Variants in TGFA observed in about 807,000 individuals in gnomAD.
TGFA encodes transforming growth factor alpha, also known as protransforming growth factor alpha.
In TGFA, 12 loss-of-function variants were observed where a neutral mutation model predicts 21.7. The observed-to-expected ratio is 0.55, with a 90% CI of 0.35 to 0.90. The LOEUF (loss-of-function observed/expected upper bound fraction) is 0.90, where lower values mean the gene tolerates loss of function less well. TGFA is among the 40% of genes least tolerant of loss of function. The pLI, the probability that TGFA is intolerant of heterozygous loss-of-function variation, is 0.01. For missense variants in TGFA, 178 were observed against 210.8 expected (o/e 0.84, Z 0.96); for synonymous variants, 79 against 88.1 (o/e 0.90, Z 0.58).
intron 2 of TGFA, among the ~76,000 whole-genome samples, chr2:70,503,265 T>C (rs1329725570): frequency 6.6e-6 from 1 of 152,072 alleles, no homozygotes; most frequent in African/African-American, 2.4e-5. Flanking sequence ...TGAGTTCATG[T>C]CCTTTGTAGG....
chr2:70,514,902 CA>C lies in TGFA; in HGVS notation c.50del (p.Leu17TrpfsTer14). On this transcript the variant is annotated frameshift_variant, in exon 2 of 6. Coordinates refer to ENST00000295400, the MANE Select transcript of TGFA (RefSeq NM_003236.4). LOFTEE classifies it high-confidence loss of function. ...QLALFALGIV[L>X]AACQALENST... ...TGTTCTCCAAGGCCTGGCACGCAGC[CA>C]ACACAATACCTGTTGGGTGGAGGAG... 1 of 1,613,950 alleles carries C rather than the reference CA, an allele frequency of 6.2e-7. No homozygotes were observed. The highest frequency in any genetic ancestry group is 8.5e-7 in the Non-Finnish European group (1 of 1,179,954).
At chr2:70,464,747 G>C (rs553883981) in intron 3 of TGFA, among the ~76,000 whole-genome samples, 1 of 152,160 alleles carries the variant, frequency 6.6e-6, no homozygotes, top group Non-Finnish European at 1.5e-5. Context: ...AAAGAATAAA[G>C]ACAGCTTTCA....
At position 70,551,384 on chromosome 2, in the gene TGFA, C is replaced by T. The variant is rs13407841; in HGVS notation, c.40+2344G>A. The stretch of plus-strand genomic sequence containing the variant: ...ATTTGGGCAACAGTCTTCACATTCT[C>T]TTACTGAAAACATTAATCAATGCTC... On this transcript the variant is annotated intron_variant, in intron 1 of 5. Transcript: ENST00000295400. Among the ~76,000 whole-genome samples the T allele has an allele frequency of 2.9e-3, 446 of 152,344 alleles. 1 individual carries two copies. The highest frequency in any genetic ancestry group is 0.01 in the African/African-American group (432 of 41,568).
intron 3 of TGFA, among the ~76,000 whole-genome samples, chr2:70,462,136 ATG>A (rs1553491539): frequency 6.6e-6 from 1 of 152,168 alleles, no homozygotes. Context: ...ATTGACCAGG[ATG>A]TGTGTGTCAG....
intron 5 of TGFA, chr2:70,451,749 A>T: frequency 1.4e-6 from 1 of 702,042 alleles, no homozygotes; most frequent in Non-Finnish European, 2.6e-6. Context: ...TCAATAGATT[A>T]GCCCAAGGTA....
chr2:70,455,513 C>A (rs1670202824), intron 4 of TGFA, among the ~76,000 whole-genome samples: 1 of 152,184 alleles, frequency 6.6e-6, no homozygotes, highest in Non-Finnish European at 1.5e-5. Flanking sequence ...TGTCCTGTGA[C>A]TTCTTTGTGC....
chr2:70,471,562 T>C (rs1670751824), intron 2 of TGFA, among the ~76,000 whole-genome samples: 1 of 152,142 alleles, frequency 6.6e-6, no homozygotes, highest in African/African-American at 2.4e-5. Flanking sequence ...TCTTAGATCC[T>C]CCCAGACTCA....
chr2:70,465,926 G>A (rs1435330791), intron 2 of TGFA, among the ~76,000 whole-genome samples, 190 bp from the exon 3 acceptor site: 2 of 152,162 alleles, frequency 1.3e-5, no homozygotes, highest in Admixed American at 6.5e-5. Flanking sequence ...CCTGTATAGC[G>A]TGCTTTCCAG....
At chr2:70,512,568 G>T (rs527906639) in intron 2 of TGFA, among the ~76,000 whole-genome samples, 2 of 152,226 alleles carry the variant, frequency 1.3e-5, no homozygotes, top group Admixed American at 6.5e-5. Flanking sequence ...CCTCAGAGAT[G>T]TTCTCATAGA....
chr2:70,496,905 G>A (rs1310242960), intron 2 of TGFA, among the ~76,000 whole-genome samples: 1 of 152,188 alleles, frequency 6.6e-6, no homozygotes, highest in Non-Finnish European at 1.5e-5. Context: ...AGCACTGGGT[G>A]CTACTAAGGA....
chr2:70,501,330 A>G (rs1319418708), intron 2 of TGFA, among the ~76,000 whole-genome samples: 1 of 151,770 alleles, frequency 6.6e-6, no homozygotes, highest in Non-Finnish European at 1.5e-5. Context: ...ATCCTTCCTA[A>G]CACCATTTTG....
intron 1 of TGFA, among the ~76,000 whole-genome samples, chr2:70,550,275 C>T (rs1380198593): frequency 1.3e-5 from 2 of 151,970 alleles, no homozygotes; most frequent in Non-Finnish European, 1.5e-5. Context: ...GTGTGCAGTC[C>T]TTATTTTTTT....
intron 2 of TGFA, among the ~76,000 whole-genome samples, chr2:70,503,402 C>T (rs1190110774): frequency 3.7e-5 from 5 of 135,060 alleles, no homozygotes; most frequent in Non-Finnish European, 4.6e-5. Context: ...GGAAGGGGAA[C>T]ATCACACACC....
chr2:70,451,469 CTA>C (rs1553489607), intron 5 of TGFA, among the ~76,000 whole-genome samples: 1 of 152,116 alleles, frequency 6.6e-6, no homozygotes. Flanking sequence ...CTGACAGGTG[CTA>C]TATGAGGTTG....
At chr2:70,452,413 C>T (rs528102927) in intron 5 of TGFA, among the ~76,000 whole-genome samples, 13 of 151,956 alleles carry the variant, frequency 8.6e-5, no homozygotes, top group South Asian at 4.2e-4. Context: ...TGGATGTTGG[C>T]GAAAATATCC....
chr2:70,452,447 A>G (rs2103655253), intron 5 of TGFA, among the ~76,000 whole-genome samples: 1 of 152,114 alleles, frequency 6.6e-6, no homozygotes, highest in Non-Finnish European at 1.5e-5. Context: ...AACTTAATGA[A>G]GATCATAGGA....
chr2:70,514,310 C>T (rs1553501293), intron 2 of TGFA, among the ~76,000 whole-genome samples: 1 of 152,072 alleles, frequency 6.6e-6, no homozygotes, highest in Non-Finnish European at 1.5e-5. Context: ...GCAAATCAAA[C>T]AGAGGTTGCT....
At chr2:70,515,057 T>A (rs1487201739) in intron 1 of TGFA, 145 bp from the exon 2 acceptor site, 2 of 672,202 alleles carry the variant, frequency 3.0e-6, no homozygotes, top group African/African-American at 3.6e-5. Context: ...ACATAATTTG[T>A]GGATATCAGT....
At chr2:70,553,402 T>G in intron 1 of TGFA, 1 of 1,448,900 alleles carries the variant, frequency 6.9e-7, no homozygotes, top group Non-Finnish European at 9.0e-7. Context: ...GGTAAGCAGG[T>G]AGGTGTAGGC....
Sources: allele counts gnomAD v4.1 joint callset (sites outside exome capture counted in the v4.1 genomes callset), GRCh38; gene constraint gnomAD v4.1.1; transcripts MANE v1.5; gene names NCBI Gene and HGNC (gene_info 2026-07-23, HGNC 2026-07-21).